Variants in GMPS observed in about 807,000 individuals in gnomAD.
GMPS encodes GMP synthase [glutamine-hydrolyzing].
GMPS carries 15 observed loss-of-function variants against 77.9 expected under a neutral mutation model. The observed-to-expected ratio is 0.19, with a 90% confidence interval of 0.13 to 0.30. The LOEUF (loss-of-function observed/expected upper bound fraction) is 0.30. Ranked by LOEUF, GMPS falls within the 10% of genes least tolerant of loss-of-function variation. GMPS has a pLI of 1.00. For missense variants in GMPS, 590 were observed against 838.8 expected (o/e 0.70, Z 3.66); for synonymous variants, 224 against 275.9 (o/e 0.81, Z 1.86).
chr3:155,913,958 T>A (rs1335548051), intron 7 of GMPS, among the ~76,000 whole-genome samples: 1 of 152,054 alleles, frequency 6.6e-6, no homozygotes, highest in Non-Finnish European at 1.5e-5. Flanking sequence ...TTCTTATTTT[T>A]TTTTTGGGGA....
intron 5 of GMPS, among the ~76,000 whole-genome samples, 163 bp downstream of exon 5, chr3:155,906,426 G>A (rs1361481387): frequency 1.3e-5 from 2 of 151,918 alleles, no homozygotes; most frequent in Non-Finnish European, 2.9e-5. Flanking sequence ...GTTATGAAGG[G>A]AATTTAATAA....
intron 11 of GMPS, among the ~76,000 whole-genome samples, chr3:155,924,777 G>C (rs902645933): frequency 5.3e-5 from 8 of 152,100 alleles, no homozygotes; most frequent in African/African-American, 1.9e-4. Flanking sequence ...ACTAAAATCT[G>C]CTTAGTATAG....
intron 12 of GMPS, among the ~76,000 whole-genome samples, chr3:155,928,702 ACAGTCCC>A (rs1314891073): frequency 5.3e-4 from 45 of 84,284 alleles, no homozygotes; most frequent in Non-Finnish European, 8.9e-4. Flanking sequence ...CCACCCCACC[ACAGTCCC>A]CAGAGTGTGA....
chr3:155,940,807 A>C lies in GMPS; in HGVS notation c.*3115A>C. 4.6e-6 allele frequency: 1 copy of C among 218,168 alleles called. No homozygotes were observed. The allele number at this position is 218,168 out of a possible 1,614,324, so 13.5% of individuals were successfully genotyped here. A position where few individuals can be genotyped will look rare whatever the true frequency, so the allele number is the denominator to read the frequency against. On this transcript the variant is annotated 3_prime_UTR_variant, in exon 16 of 16. Transcript: ENST00000496455. ...GACACAAAGGGAAACATCAAAATGC[A>C]CCGTAAAGTTAAATCCTAGTTACCT...
At chr3:155,911,061 TTA>T in intron 6 of GMPS, 51 bp from the exon 7 acceptor site, 1 of 1,422,334 alleles carries the variant, frequency 7.0e-7, no homozygotes, top group Non-Finnish European at 9.7e-7. Flanking sequence ...CCAATAGTGT[TTA>T]TTTTCTTTTT....
Position 155,937,845 on chromosome 3 carries a change from T to C in GMPS, c.*153T>C, listed in dbSNP as rs1275226162. ...AAAAATCTACGGCTTAAGAGCTGAGTTGGGGATAACCAAAAGGGACTGAAG... is the reference window on the plus strand; with the variant it reads ...AAAAATCTACGGCTTAAGAGCTGAGCTGGGGATAACCAAAAGGGACTGAAG... On this transcript the variant is annotated 3_prime_UTR_variant, in exon 16 of 16. Coordinates refer to ENST00000496455, the MANE Select transcript of GMPS (RefSeq NM_003875.3). 8.6e-6 allele frequency: 5 copies of C among 582,118 alleles called. No individual in the cohort carries two copies. The highest frequency in any genetic ancestry group is 4.7e-5 in the South Asian group (2 of 42,728). The allele number at this position is 582,118 out of a possible 1,614,324, so 36.1% of individuals were successfully genotyped here.
chr3:155,933,312 T>G (rs1755676043), intron 13 of GMPS, among the ~76,000 whole-genome samples: 1 of 152,208 alleles, frequency 6.6e-6, no homozygotes, highest in South Asian at 2.1e-4. Context: ...TTTCCTAATT[T>G]GGATAAGGGA....
At position 155,943,297 on chromosome 3, in the gene GMPS, C is replaced by G. The variant is rs2108165009; in HGVS notation, c.*5605C>G. On this transcript the variant is annotated 3_prime_UTR_variant, in exon 16 of 16. Coordinates refer to ENST00000496455, the MANE Select transcript of GMPS (RefSeq NM_003875.3). ...GTGTCTTTTAACTTTGTTAAGGGCCCTTGGTTAGCAAAATTATGAAAGTTT... is the reference window on the plus strand; with the variant it reads ...GTGTCTTTTAACTTTGTTAAGGGCCGTTGGTTAGCAAAATTATGAAAGTTT... 5.5e-6 allele frequency: 1 copy of G among 180,984 alleles called. No individual in the cohort carries two copies. The highest frequency in any genetic ancestry group is 2.1e-3 in the Middle Eastern group (1 of 476). The allele number at this position is 180,984 out of a possible 1,614,324, so 11.2% of individuals were successfully genotyped here.
At chr3:155,885,025 T>G (rs1489069538) in intron 1 of GMPS, among the ~76,000 whole-genome samples, 1 of 152,154 alleles carries the variant, frequency 6.6e-6, no homozygotes, top group Non-Finnish European at 1.5e-5. Flanking sequence ...GAAGCTGCAG[T>G]CAGAGGTACA....
intron 4 of GMPS, among the ~76,000 whole-genome samples, chr3:155,905,135 C>T (rs1287847877): frequency 2.0e-5 from 3 of 152,026 alleles, no homozygotes; most frequent in Non-Finnish European, 4.4e-5. Context: ...GATTCTCCCA[C>T]CTCAGTCTCC....
intron 9 of GMPS, among the ~76,000 whole-genome samples, chr3:155,916,903 C>T (rs1214870505): frequency 1.3e-5 from 2 of 152,100 alleles, no homozygotes; most frequent in African/African-American, 4.8e-5. Context: ...TTTCCACATC[C>T]TCACCAAGAC....
At chr3:155,935,223 G>A (rs1246663108) in intron 14 of GMPS, among the ~76,000 whole-genome samples, 177 bp downstream of exon 14, 2 of 151,936 alleles carry the variant, frequency 1.3e-5, no homozygotes, top group Non-Finnish European at 2.9e-5. Flanking sequence ...TTGCTCTGTC[G>A]CCCAGGCTGG....
Position 155,925,222 on chromosome 3 carries a change from C to T in GMPS, c.1435-19C>T, listed in dbSNP as rs192345256. ...CTTATTTCTTAAAACTGAAAAAATG[C>T]CTCTTTGGTTTTTCTCAGCCACATA... is the stretch of plus-strand genomic sequence containing the variant. On this transcript the variant is annotated intron_variant, in intron 11 of 15. Transcript: ENST00000496455. 2.3e-5 allele frequency: 37 copies of T among 1,592,738 alleles called. No individual in the cohort carries two copies. In the Admixed American group the frequency reaches 4.2e-4, roughly 18 times the overall value.
chr3:155,942,101 GTT>G lies in GMPS; in HGVS notation c.*4418_*4419del. On this transcript the variant is annotated 3_prime_UTR_variant, in exon 16 of 16. Transcript: ENST00000496455. Reference sequence around the variant, plus strand: ...ACTCAAGCATTTACAGTTTTGTTTTGTTTTTTTTTTAAGACAGAGTCTCGCTC... The same window carrying G: ...ACTCAAGCATTTACAGTTTTGTTTTGTTTTTTTTAAGACAGAGTCTCGCTC... 1 of 183,670 alleles carries G rather than the reference GTT, an allele frequency of 5.4e-6. No individual in the cohort carries two copies. Among genetic ancestry groups the G allele is most frequent in the Non-Finnish European group, 1.1e-5 (1 of 88,218 alleles). 11.4% of individuals were successfully genotyped at this position (183,670 alleles called of 1,614,324 possible). A position where few individuals can be genotyped will look rare whatever the true frequency, so the allele number is the denominator to read the frequency against.
At position 155,913,774 on chromosome 3, in the gene GMPS, G is replaced by A. The variant is rs4383470; in HGVS notation, c.887-645G>A. On this transcript the variant is annotated intron_variant, in intron 7 of 15. Coordinates refer to ENST00000496455, the MANE Select transcript of GMPS (RefSeq NM_003875.3). Reference sequence around the variant, plus strand: ...GACCTCAAGTGATCCACCCAACTTGGCCTCCCAAAGTGCTGGTATTACAGG... The same window carrying A: ...GACCTCAAGTGATCCACCCAACTTGACCTCCCAAAGTGCTGGTATTACAGG... Among the ~76,000 whole-genome samples the A allele has an allele frequency of 6.2e-3, 949 of 151,992 alleles. 7 individuals carry two copies. The highest frequency in any genetic ancestry group is 0.021 in the African/African-American group (881 of 41,446).
rs1198813383 is a variant in GMPS, at chr3:155,906,156, T to G, written c.423-4T>G. ...TTTGTGTGTTTTATTTTTTGTATGT[T>G]TAGGGGCCTTCAGAAGGAAGAAGTT... is the stretch of plus-strand genomic sequence containing the variant. On this transcript the variant is annotated splice_region_variant and splice_polypyrimidine_tract_variant and intron_variant, in intron 4 of 15. Transcript: ENST00000496455. 3.9e-6 allele frequency: 6 copies of G among 1,549,210 alleles called. No individual in the cohort carries two copies. Among genetic ancestry groups the G allele is most frequent in the Non-Finnish European group, 3.5e-6 (4 of 1,130,090 alleles).
chr3:155,916,340 T>C (rs1755178762), intron 9 of GMPS, 148 bp downstream of exon 9: 1 of 606,290 alleles, frequency 1.6e-6, no homozygotes, highest in African/African-American at 1.9e-5. Flanking sequence ...AGGAACCTTA[T>C]ACCCATTAGC....
At position 155,943,220 on chromosome 3, in the gene GMPS, A is replaced by C. The variant is rs1755933839; in HGVS notation, c.*5528A>C. On this transcript the variant is annotated 3_prime_UTR_variant, in exon 16 of 16. Transcript: ENST00000496455. ...CACTCCAGCCTAGGTGACAAGAATG[A>C]GACTCCGTCTTAAAACAAAAACAAC... 1 of 179,072 alleles carries C rather than the reference A, an allele frequency of 5.6e-6. No homozygotes were observed. Among genetic ancestry groups the C allele is most frequent in the South Asian group, 2.0e-4 (1 of 5,050 alleles). The allele number at this position is 179,072 out of a possible 1,614,324, so 11.1% of individuals were successfully genotyped here.
chr3:155,875,002 G>T (rs1754009329), intron 1 of GMPS, among the ~76,000 whole-genome samples: 1 of 143,552 alleles, frequency 7.0e-6, no homozygotes, highest in African/African-American at 2.6e-5. Flanking sequence ...CCGCCTCCCT[G>T]GTTCAAGTGA....
Sources: gnomAD v4.1 joint callset for allele counts (sites outside exome capture counted in the v4.1 genomes callset) on GRCh38, gnomAD v4.1.1 for gene constraint, MANE v1.5 for transcripts, NCBI Gene and HGNC (gene_info 2026-07-23, HGNC 2026-07-21) for gene names.